Variants in RC3H2 observed in about 807,000 individuals in gnomAD.
RC3H2 encodes the protein roquin-2.
A neutral mutation model predicts 133.3 loss-of-function variants in RC3H2; 31 were observed. The ratio of observed to expected loss-of-function variants is 0.23; its 90% CI spans 0.17 to 0.31. The LOEUF is 0.31. Among genes scored for constraint, RC3H2 ranks in the 10% least tolerant of loss-of-function variants. The probability of loss-of-function intolerance (pLI) is 1.00; values close to 1 mark genes in which losing one functional copy is unlikely to be tolerated. For synonymous variants in RC3H2, 517 were observed against 502.2 expected (o/e 1.03, Z -0.40); for missense variants, 1,175 against 1,437.2 (o/e 0.82, Z 2.95).
intron 1 of RC3H2, among the ~76,000 whole-genome samples, chr9:122,902,279 ATACT>A (rs1243309388): frequency 1.3e-5 from 2 of 152,194 alleles, no homozygotes; most frequent in Non-Finnish European, 2.9e-5. Flanking sequence ...GACGAGAAAA[ATACT>A]TTCTTTGAGA....
intron 10 of RC3H2, among the ~76,000 whole-genome samples, chr9:122,862,235 T>C (rs770259911): frequency 4.6e-5 from 7 of 152,142 alleles, no homozygotes; most frequent in Non-Finnish European, 8.8e-5. Flanking sequence ...ACAAGATCCA[T>C]GATAAGGTCA....
rs560675990 is a variant in RC3H2, at chr9:122,892,613, G to A, written c.349+296C>T. On this transcript the variant is annotated intron_variant, in intron 3 of 20. Transcript: ENST00000357244. The stretch of plus-strand genomic sequence containing the variant: ...TTTTTAGTAGAGACGGGGTTTCACC[G>A]TGTTAGCCAGGATAGTCTCGATCTT... Among the ~76,000 whole-genome samples the A allele has an allele frequency of 5.9e-5, 9 of 152,202 alleles. No homozygotes were observed. In the South Asian group the frequency reaches 1.7e-3, roughly 28 times the overall value.
Position 122,847,460 on chromosome 9 carries a change from T to A in RC3H2, c.*2167A>T, listed in dbSNP as rs1243480995. 1 of 152,062 alleles carries A rather than the reference T, an allele frequency of 6.6e-6. No individual in the cohort carries two copies. The highest frequency in any genetic ancestry group is 2.4e-5 in the African/African-American group (1 of 41,422). The allele number at this position is 152,062 out of a possible 1,614,324, so 9.4% of individuals were successfully genotyped here. A position where few individuals can be genotyped will look rare whatever the true frequency, so the allele number is the denominator to read the frequency against. On this transcript the variant is annotated 3_prime_UTR_variant, in exon 21 of 21. Coordinates refer to ENST00000357244, the MANE Select transcript of RC3H2 (RefSeq NM_001100588.3). ...AAAAAAAAATACATTACCTTCAACA[T>A]GGAAGATCTCACTATTAAATATCCA... is the stretch of plus-strand genomic sequence containing the variant.
At position 122,899,090 on chromosome 9, in the gene RC3H2, G is replaced by GGTTTTT. The variant is rs1564322863; in HGVS notation, c.-67-1515_-67-1514insAAAAAC. ...AAAAAATTCTATTAGCCTTTATTGT[G>GGTTTTT]TTTTTTTTTTTTTTTTTTTTTTTTT... On this transcript the variant is annotated intron_variant, in intron 1 of 20. Coordinates refer to ENST00000357244, the MANE Select transcript of RC3H2 (RefSeq NM_001100588.3). 1.2e-4 allele frequency among the ~76,000 whole-genome samples: 11 copies of GGTTTTT among 88,410 alleles called. 3 individuals are homozygous for GGTTTTT. Among genetic ancestry groups the GGTTTTT allele is most frequent in the South Asian group, 3.4e-4 (1 of 2,970 alleles). 58.0% of individuals were successfully genotyped at this position (88,410 alleles called of 152,430 possible). A position where few individuals can be genotyped will look rare whatever the true frequency, so the allele number is the denominator to read the frequency against.
rs1564322863 is a variant in RC3H2 at position 122,899,090 on chromosome 9, G to GGTTTTTTT, written c.-67-1515_-67-1514insAAAAAAAC. On this transcript the variant is annotated intron_variant, in intron 1 of 20. Coordinates refer to ENST00000357244, the MANE Select transcript of RC3H2 (RefSeq NM_001100588.3). ...AAAAAATTCTATTAGCCTTTATTGT[G>GGTTTTTTT]TTTTTTTTTTTTTTTTTTTTTTTTT... 3.4e-5 allele frequency among the ~76,000 whole-genome samples: 3 copies of GGTTTTTTT among 88,410 alleles called. 1 individual carries two copies. The highest frequency in any genetic ancestry group is 4.0e-5 in the Non-Finnish European group (2 of 49,386). 58.0% of individuals were successfully genotyped at this position (88,410 alleles called of 152,430 possible).
intron 4 of RC3H2, among the ~76,000 whole-genome samples, chr9:122,888,742 C>T (rs1038294821): frequency 2.0e-5 from 3 of 152,218 alleles, no homozygotes; most frequent in African/African-American, 7.2e-5. Context: ...TACGCATAGG[C>T]ATTCAGGTTG....
intron 4 of RC3H2, among the ~76,000 whole-genome samples, chr9:122,886,366 T>C (rs965205588): frequency 2.0e-5 from 3 of 152,250 alleles, no homozygotes; most frequent in Non-Finnish European, 4.4e-5. Flanking sequence ...CAATAAACAT[T>C]TGTATACAAG....
chr9:122,873,532 A>T (rs1169434245), intron 9 of RC3H2, among the ~76,000 whole-genome samples: 1 of 151,988 alleles, frequency 6.6e-6, no homozygotes, highest in Non-Finnish European at 1.5e-5. Context: ...AACATGGTGA[A>T]TCCCCATCTC....
At chr9:122,869,244 G>A (rs1053984103) in intron 9 of RC3H2, among the ~76,000 whole-genome samples, 2 of 152,082 alleles carry the variant, frequency 1.3e-5, no homozygotes, top group Non-Finnish European at 2.9e-5. Context: ...TTAAGTTCAC[G>A]AACAGAAAGA....
At chr9:122,903,550 G>A (rs1465584507) in intron 1 of RC3H2, among the ~76,000 whole-genome samples, 1 of 152,192 alleles carries the variant, frequency 6.6e-6, no homozygotes, top group Admixed American at 6.5e-5. Flanking sequence ...CTTCTTACAT[G>A]TCAGGTTACC....
In RC3H2 at chr9:122,849,145, T is replaced by G. The variant is rs1829930479; in HGVS notation, c.*482A>C. 6.6e-6 allele frequency: 1 copy of G among 152,168 alleles called. No individual in the cohort carries two copies. Among genetic ancestry groups the G allele is most frequent in the East Asian group, 1.9e-4 (1 of 5,178 alleles). 9.4% of individuals were successfully genotyped at this position (152,168 alleles called of 1,614,324 possible). On this transcript the variant is annotated 3_prime_UTR_variant, in exon 21 of 21. Coordinates refer to ENST00000357244, the MANE Select transcript of RC3H2 (RefSeq NM_001100588.3). The stretch of plus-strand genomic sequence containing the variant: ...AAAAAGAAATCCATGCAAAGTTCCA[T>G]GAAAAAGATAAATAAAGCAGCTGGA...
chr9:122,852,186 GCCA>G, intron 18 of RC3H2, among the ~76,000 whole-genome samples: 5 of 148,992 alleles, frequency 3.4e-5, no homozygotes, highest in South Asian at 2.1e-4. Flanking sequence ...CTGCCCGGCC[GCCA>G]CCCCGTCTGG....
intron 1 of RC3H2, among the ~76,000 whole-genome samples, chr9:122,902,788 T>C (rs1301286368): frequency 6.6e-6 from 1 of 151,082 alleles, no homozygotes; most frequent in Non-Finnish European, 1.5e-5. Context: ...GAAGCAGAGG[T>C]TGCAGTGAAC....
chr9:122,894,891 C>A (rs1481905207), intron 2 of RC3H2, among the ~76,000 whole-genome samples: 18 of 151,848 alleles, frequency 1.2e-4, no homozygotes, highest in Non-Finnish European at 2.9e-5. Flanking sequence ...ACAACAACAA[C>A]AAAAAAGAAA....
rs371619380 is a variant in RC3H2 at position 122,879,877 on chromosome 9, A to G, written c.1094-4T>C. ...TCCCAAGTTGGTGAAACAGCGTCTA[A>G]AATAAGCCACCAAGGGCATGGGGGT... On this transcript the variant is annotated splice_region_variant and splice_polypyrimidine_tract_variant and intron_variant, in intron 7 of 20. Coordinates refer to ENST00000357244, the MANE Select transcript of RC3H2 (RefSeq NM_001100588.3). 1.4e-5 allele frequency: 22 copies of G among 1,613,666 alleles called. No homozygotes were observed. The highest frequency in any genetic ancestry group is 1.9e-5 in the Non-Finnish European group (22 of 1,179,716).
At chr9:122,895,183 G>C (rs1832367414) in intron 2 of RC3H2, among the ~76,000 whole-genome samples, 1 of 148,060 alleles carries the variant, frequency 6.8e-6, no homozygotes, top group South Asian at 2.1e-4. Context: ...TTTTGAGACA[G>C]GGTCTCACTC....
intron 10 of RC3H2, 73 bp downstream of exon 10, chr9:122,865,276 C>T: frequency 7.8e-7 from 1 of 1,284,962 alleles, no homozygotes. Context: ...TATTCATCAG[C>T]AGAAATAAAA....
intron 9 of RC3H2, among the ~76,000 whole-genome samples, chr9:122,866,052 AAC>A (rs1030114838): frequency 3.9e-5 from 6 of 152,220 alleles, no homozygotes; most frequent in African/African-American, 1.2e-4. Flanking sequence ...TTTGGTTGAG[AAC>A]ACAGAGTAAA....
chr9:122,852,744 T>C (rs1257263406), intron 18 of RC3H2, among the ~76,000 whole-genome samples: 20 of 131,454 alleles, frequency 1.5e-4, no homozygotes, highest in South Asian at 5.1e-4. Context: ...AGCCGCCCCG[T>C]CCGGGAGGGA....
Sources: gnomAD v4.1 joint callset for allele counts (sites outside exome capture counted in the v4.1 genomes callset) on GRCh38, gnomAD v4.1.1 for gene constraint, MANE v1.5 for transcripts, NCBI Gene and HGNC (gene_info 2026-07-23, HGNC 2026-07-21) for gene names.